The following COL6A3 variants were observed in gnomAD, a reference collection of about 807,000 sequenced individuals.
COL6A3 encodes the protein collagen type VI alpha 3 chain, also known as collagen alpha-3(VI) chain.
In COL6A3, 137 loss-of-function variants were observed where a neutral mutation model predicts 274.1. That is an observed-to-expected ratio of 0.50 (90% confidence interval 0.44 to 0.58). The LOEUF is 0.58. COL6A3 is among the 20% of genes least tolerant of loss of function. The pLI is 0.00. For synonymous variants in COL6A3, 1,650 were observed against 1,650.6 expected, an observed-to-expected ratio of 1.00 and a Z score of 0.01; for missense variants, 3,950 against 4,124.9, an observed-to-expected ratio of 0.96 and a Z score of 1.16.
intron 27 of COL6A3, 76 bp downstream of exon 27, chr2:237,351,054 G>T: frequency 1.4e-6 from 2 of 1,404,018 alleles, no homozygotes; most frequent in South Asian, 2.3e-5. Flanking sequence ...CAGACAGACT[G>T]ACCAAAGAGG....
At chr2:237,372,445 C>A in intron 8 of COL6A3, 108 bp from the exon 9 acceptor site, 1 of 1,587,846 alleles carries the variant, frequency 6.3e-7, no homozygotes, top group Non-Finnish European at 8.5e-7. Context: ...GATCCTAACA[C>A]CAATCACCAC....
chr2:237,378,108 A>G (rs1276036525), intron 6 of COL6A3, among the ~76,000 whole-genome samples: 3 of 152,234 alleles, frequency 2.0e-5, no homozygotes, highest in Non-Finnish European at 4.4e-5. Flanking sequence ...TTACCACCAT[A>G]ATAATTTGCA....
At chr2:237,409,528 G>GTTTT (rs200283913) in intron 1 of COL6A3, among the ~76,000 whole-genome samples, 10 of 150,850 alleles carry the variant, frequency 6.6e-5, no homozygotes, top group African/African-American at 2.0e-4. Context: ...TTAGGTTTTT[G>GTTTT]TTTTTTTTGT....
chr2:237,371,821 C>A lies in COL6A3; in HGVS notation c.4196G>T (p.Ser1399Ile), dbSNP rs1184183405. 6.2e-7 allele frequency: 1 copy of A among 1,613,784 alleles called. No homozygotes were observed. The highest frequency in any genetic ancestry group is 8.5e-7 in the Non-Finnish European group (1 of 1,180,018). The change falls in exon 9 of 44, where the codon AGC becomes ATC. Residue 1399 changes from serine to isoleucine, a missense_variant. Around this residue, in one of 5 missense-constraint regions of COL6A3, gnomAD observed 1,934 missense variants for 1,984.3 expected, o/e 0.97. Coordinates refer to ENST00000295550, the MANE Select transcript of COL6A3 (RefSeq NM_004369.4). The surrounding 1 kb of genome is among the most constrained non-coding windows in gnomAD (Gnocchi z 4.3). Reference sequence around the variant, plus strand: ...GGGCGTCAGCAGTTTCTGCTCCAGGCTGGGCAGCTCCCGGAAGGTGCTCAC... The same window carrying A: ...GGGCGTCAGCAGTTTCTGCTCCAGGATGGGCAGCTCCCGGAAGGTGCTCAC... ...FSVSTFRELP[S>I]LEQKLLTPIT...
At position 237,391,771 on chromosome 2, in the gene COL6A3, C is replaced by T. The variant is rs185356717; in HGVS notation, c.709+2816G>A. 2.4e-4 allele frequency among the ~76,000 whole-genome samples: 36 copies of T among 152,276 alleles called. No individual in the cohort carries two copies. The East Asian group carries it at 6.4e-3, about 27-fold the overall frequency. ...AACTCCTGACCTCAGATGATCCTCC[C>T]GTCTCAGCCTCCCAAAGTGCTGGGA... On this transcript the variant is annotated intron_variant, in intron 3 of 43. Coordinates refer to ENST00000295550, the MANE Select transcript of COL6A3 (RefSeq NM_004369.4).
intron 17 of COL6A3, 110 bp from the exon 18 acceptor site, chr2:237,359,498 T>A: frequency 9.0e-7 from 1 of 1,113,766 alleles, no homozygotes; most frequent in Non-Finnish European, 1.4e-6. Context: ...AATGTTGCAG[T>A]GTCTGAAAAT....
At chr2:237,360,757 T>C (rs1316607913) in intron 16 of COL6A3, among the ~76,000 whole-genome samples, 1 of 152,102 alleles carries the variant, frequency 6.6e-6, no homozygotes, top group Non-Finnish European at 1.5e-5. Flanking sequence ...GGGTAACCCC[T>C]AAAGCCCTGG....
chr2:237,340,569 C>T lies in COL6A3; in HGVS notation c.8347G>A (p.Val2783Ile). Residue 2783 changes from valine to isoleucine, a missense_variant, in exon 38 of 44, where the codon GTA (valine) becomes ATA (isoleucine). Val to Ile is a conservative substitution (Grantham distance 29). Around this residue, in one of 5 missense-constraint regions of COL6A3, gnomAD observed 1,284 missense variants for 1,349.7 expected, o/e 0.95. Coordinates refer to ENST00000295550, the MANE Select transcript of COL6A3 (RefSeq NM_004369.4). ...GIGRKVNIKE[V>I]YTFASEPNDV... ...TTTGGCTCACTGGCGAAGGTGTATA[C>T]CTCCTTGATGTTCACCTTCCTGCCA... 1 of 1,614,182 alleles carries T rather than the reference C, an allele frequency of 6.2e-7. No individual in the cohort carries two copies. Among genetic ancestry groups the T allele is most frequent in the Non-Finnish European group, 8.5e-7 (1 of 1,180,032 alleles).
At chr2:237,348,288 A>G in intron 30 of COL6A3, 61 bp downstream of exon 30, 1 of 1,365,362 alleles carries the variant, frequency 7.3e-7, no homozygotes, top group South Asian at 1.2e-5. Context: ...TTCTCAGTCC[A>G]TGGACATACC....
intron 21 of COL6A3, 73 bp from the exon 22 acceptor site, chr2:237,357,955 G>T: frequency 7.1e-7 from 1 of 1,398,934 alleles, no homozygotes; most frequent in Non-Finnish European, 1.0e-6. Flanking sequence ...TGGATGGTCA[G>T]GGAAATATTA....
At chr2:237,385,135 A>G (rs1043842903) in intron 4 of COL6A3, among the ~76,000 whole-genome samples, 2 of 152,082 alleles carry the variant, frequency 1.3e-5, no homozygotes, top group African/African-American at 2.4e-5. Flanking sequence ...GAATGCCCCA[A>G]TGCAACTTAT....
chr2:237,354,011 ATTT>A (rs369802051), intron 24 of COL6A3, among the ~76,000 whole-genome samples: 4 of 142,274 alleles, frequency 2.8e-5, no homozygotes, highest in Non-Finnish European at 3.1e-5. Flanking sequence ...GCTACAAAGA[ATTT>A]TTTTTTTTTT....
rs1191955837 is a variant in COL6A3 at position 237,344,721 on chromosome 2, T to C, written c.7297A>G (p.Thr2433Ala). The C allele has an allele frequency of 1.2e-6, 2 of 1,605,442 alleles. No individual in the cohort carries two copies. The highest frequency in any genetic ancestry group is 1.7e-6 in the Non-Finnish European group (2 of 1,175,678). ...CGTGGGCAGTTGCTCTCAGCAATGGTCAGGTCATTCACAATACTCAAGACC... is the reference window on the plus strand; with the variant it reads ...CGTGGGCAGTTGCTCTCAGCAATGGCCAGGTCATTCACAATACTCAAGACC... ...DVVLSIVNDL[T>A]IAESNCPRGA... The change falls in exon 36 of 44, where the codon ACC (threonine) becomes GCC (alanine). Residue 2433 changes from threonine to alanine, a missense_variant. Transcript: ENST00000295550. This position sits in a 1 kb window ranked among gnomAD's most constrained non-coding sequence, Gnocchi z 4.8.
chr2:237,405,671 T>C (rs553148472), intron 1 of COL6A3, among the ~76,000 whole-genome samples: 1 of 152,206 alleles, frequency 6.6e-6, no homozygotes, highest in South Asian at 2.1e-4. Flanking sequence ...CAAAGCTACA[T>C]AGATAAAAAC....
At chr2:237,348,012 T>TG in intron 30 of COL6A3, 143 bp from the exon 31 acceptor site, 1 of 763,066 alleles carries the variant, frequency 1.3e-6, no homozygotes, top group Non-Finnish European at 2.3e-6. Context: ...ACTTTTCCAG[T>TG]GGGTTACTAC....
At chr2:237,384,952 G>A (rs2078108421) in intron 4 of COL6A3, among the ~76,000 whole-genome samples, 1 of 152,098 alleles carries the variant, frequency 6.6e-6, no homozygotes, top group Admixed American at 6.5e-5. Flanking sequence ...GTTCTGGGAA[G>A]GGACTAAGTG....
intron 39 of COL6A3, among the ~76,000 whole-genome samples, chr2:237,337,837 CA>C (rs1700628750): frequency 6.6e-6 from 1 of 152,192 alleles, no homozygotes; most frequent in South Asian, 2.1e-4. Context: ...ATGGGCCAGG[CA>C]GCAGCATCGG....
chr2:237,340,388 T>C, intron 38 of COL6A3, 64 bp downstream of exon 38: 1 of 1,482,152 alleles, frequency 6.7e-7, no homozygotes, highest in Non-Finnish European at 9.3e-7. Context: ...TGACTGTTCC[T>C]ACACTTCTCC....
intron 22 of COL6A3, 148 bp from the exon 23 acceptor site, chr2:237,357,539 C>T (rs762973377): frequency 6.3e-5 from 53 of 847,678 alleles, no homozygotes; most frequent in Non-Finnish European, 9.8e-5. Context: ...CAGGATGCAC[C>T]GGACTTCAGT....
Sources: gnomAD v4.1 joint callset for allele counts (sites outside exome capture counted in the v4.1 genomes callset) on GRCh38, gnomAD v4.1.1 for gene constraint, gnomAD v4.1.1 regional missense constraint, Gnocchi (gnomAD v3.1) non-coding constraint, MANE v1.5 for transcripts, NCBI Gene and HGNC (gene_info 2026-07-23, HGNC 2026-07-21) for gene names.